INTS14: variants seen among roughly 807,000 people sequenced by gnomAD.
INTS14 encodes the protein integrator complex subunit 14, also known as UPF0464 protein C15orf44.
Under a neutral mutation model 56.9 loss-of-function variants are expected in INTS14, and 27 were observed. The ratio of observed to expected loss-of-function variants is 0.47; its 90% confidence interval spans 0.35 to 0.65. The LOEUF is 0.65. Ranked by LOEUF, INTS14 falls within the 30% of genes least tolerant of loss-of-function variation. The pLI is 0.00. For missense variants in INTS14, 517 were observed against 632.2 expected, an observed-to-expected ratio of 0.82 and a Z score of 1.95; for synonymous variants, 207 against 236.2, an observed-to-expected ratio of 0.88 and a Z score of 1.13.
At chr15:65,609,021 CCGAGTAGCCGGGACTACAGGCG>C (rs1341995975) in intron 1 of INTS14, among the ~76,000 whole-genome samples, 1 of 152,208 alleles carries the variant, frequency 6.6e-6, no homozygotes, top group Non-Finnish European at 1.5e-5. Context: ...CCTCAGCCTC[CCGAGTAGCCGGGACTACAGGCG>C]CGAGTAGCCA....
Position 65,598,318 on chromosome 15 carries a change from T to G in INTS14, c.748+3A>C, listed in dbSNP as rs1180043316. ...TAAGAAATAAGTTTTTTTAAAAAGT[T>G]ACCTGTGTTAATGACTTTAGGGATA... is the stretch of plus-strand genomic sequence containing the variant. On this transcript the variant is annotated splice_donor_region_variant and intron_variant, in intron 6 of 11. Coordinates refer to ENST00000313182, the MANE Select transcript of INTS14 (RefSeq NM_001394796.1). The G allele has an allele frequency of 6.2e-7, 1 of 1,609,102 alleles. No homozygotes were observed.
chr15:65,597,071 C>T (rs925551544), intron 6 of INTS14, among the ~76,000 whole-genome samples: 1 of 152,130 alleles, frequency 6.6e-6, no homozygotes, highest in Non-Finnish European at 1.5e-5. Flanking sequence ...CAAATTTACT[C>T]ATCGAAAAAG....
intron 9 of INTS14, chr15:65,586,348 G>A (rs2072824202): frequency 6.6e-6 from 1 of 152,214 alleles, no homozygotes; most frequent in African/African-American, 2.4e-5. Flanking sequence ...GTTTCACAGT[G>A]ACTCAGTTGG....
intron 3 of INTS14, among the ~76,000 whole-genome samples, chr15:65,602,667 G>GT (rs77504217): frequency 0.069 from 9,902 of 142,956 alleles, 332 homozygotes; most frequent in African/African-American, 0.1. Context: ...CTACTACAAT[G>GT]TTTTTTTTTT....
chr15:65,579,800 G>T, intron 11 of INTS14, 141 bp from the exon 12 acceptor site: 2 of 1,290,222 alleles, frequency 1.6e-6, no homozygotes, highest in Non-Finnish European at 2.1e-6. Context: ...ATTTAGGGAT[G>T]CCAGTAACAA....
At chr15:65,581,018 T>C (rs955894160) in intron 11 of INTS14, among the ~76,000 whole-genome samples, 9 of 151,848 alleles carry the variant, frequency 5.9e-5, no homozygotes, top group Non-Finnish European at 1.3e-4. Flanking sequence ...GCACTTTGGG[T>C]GGATCACCTG....
rs376183630 is a variant in INTS14 at position 65,581,983 on chromosome 15, G to A, written c.1276C>T (p.Leu426=). The A allele has an allele frequency of 6.2e-7, 1 of 1,611,982 alleles. No individual in the cohort carries two copies. Among genetic ancestry groups the A allele is most frequent in the African/African-American group, 1.3e-5 (1 of 74,784 alleles). ...VQKILRNARK[L]PEKTQTFYKE... is the part of the protein sequence containing the mutation. Reference sequence around the variant, plus strand: ...TAGAATGTCTGTGTTTTTTCAGGTAGTTTCCTTGCATTTCTTAAAATCTTC... The same window carrying A: ...TAGAATGTCTGTGTTTTTTCAGGTAATTTCCTTGCATTTCTTAAAATCTTC... The change falls in exon 11 of 12, where the codon CTA becomes TTA. Residue 426 remains leucine, a synonymous_variant. Coordinates refer to ENST00000313182, the MANE Select transcript of INTS14 (RefSeq NM_001394796.1).
intron 7 of INTS14, 139 bp downstream of exon 7, chr15:65,595,594 T>C (rs189820259): frequency 3.1e-6 from 2 of 646,234 alleles, no homozygotes; most frequent in African/African-American, 3.8e-5. Flanking sequence ...TATTAGGCAA[T>C]ATTCCATTTT....
intron 11 of INTS14, among the ~76,000 whole-genome samples, chr15:65,580,407 TAAG>T (rs1489165963): frequency 3.9e-5 from 6 of 152,290 alleles, no homozygotes; most frequent in South Asian, 4.1e-4. Context: ...AGTGGAAAGT[TAAG>T]AAGAAGGCCA....
At chr15:65,600,181 T>G (rs1302163575) in intron 3 of INTS14, among the ~76,000 whole-genome samples, 1 of 151,918 alleles carries the variant, frequency 6.6e-6, no homozygotes, top group Non-Finnish European at 1.5e-5. Flanking sequence ...AGTGGTGGCA[T>G]GCACCTGTGG....
chr15:65,599,703 G>T, intron 4 of INTS14, 71 bp downstream of exon 4: 1 of 1,507,746 alleles, frequency 6.6e-7, no homozygotes, highest in Non-Finnish European at 9.1e-7. Flanking sequence ...AGCACTAGTG[G>T]TATATACTGA....
intron 7 of INTS14, among the ~76,000 whole-genome samples, chr15:65,594,546 C>G (rs1489922114): frequency 6.7e-6 from 1 of 149,970 alleles, no homozygotes; most frequent in South Asian, 2.1e-4. Context: ...GCGCCTGCCA[C>G]TACGCCCAGG....
intron 10 of INTS14, 132 bp downstream of exon 10, chr15:65,584,638 G>T: frequency 1.4e-6 from 1 of 731,556 alleles, no homozygotes; most frequent in East Asian, 2.8e-5. Flanking sequence ...AATCCCTTTT[G>T]GAAATAATGA....
At position 65,611,094 on chromosome 15, in the gene INTS14, T is replaced by C. The variant is rs1488217671; in HGVS notation, c.-63+4A>G. 4 of 1,535,492 alleles carry C rather than the reference T, an allele frequency of 2.6e-6. No homozygotes were observed. The Admixed American group carries it at 7.8e-5, about 30-fold the overall frequency. ...AGTCCCGGGCCCTCGGCCTCCCCAC[T>C]CACCCCGTGCCCATCGCCGGACACA... On this transcript the variant is annotated splice_donor_region_variant and intron_variant, in intron 1 of 11. Transcript: ENST00000313182.
At chr15:65,581,720 C>T (rs1401509677) in intron 11 of INTS14, among the ~76,000 whole-genome samples, 1 of 152,120 alleles carries the variant, frequency 6.6e-6, no homozygotes, top group Non-Finnish European at 1.5e-5. Context: ...GTCATTCATT[C>T]ACAGCAGCCC....
chr15:65,583,226 A>G (rs1406181013), intron 10 of INTS14, among the ~76,000 whole-genome samples: 1 of 152,242 alleles, frequency 6.6e-6, no homozygotes, highest in Non-Finnish European at 1.5e-5. Context: ...TGTTCAGACC[A>G]AAACTTATAC....
chr15:65,580,225 C>T (rs2072546915), intron 11 of INTS14, among the ~76,000 whole-genome samples: 1 of 152,168 alleles, frequency 6.6e-6, no homozygotes, highest in African/African-American at 2.4e-5. Context: ...TATAGCCTCT[C>T]TGGGTCTCAA....
At chr15:65,594,945 T>A (rs1215589276) in intron 7 of INTS14, among the ~76,000 whole-genome samples, 2 of 152,174 alleles carry the variant, frequency 1.3e-5, no homozygotes, top group Non-Finnish European at 2.9e-5. Context: ...CCAACTGAGA[T>A]AACCTGGGCA....
At chr15:65,605,831 C>G (rs983002376) in intron 2 of INTS14, among the ~76,000 whole-genome samples, 1 of 152,176 alleles carries the variant, frequency 6.6e-6, no homozygotes, top group South Asian at 2.1e-4. Context: ...ATCAGAAATC[C>G]TTAGTTTATT....
Sources: allele counts gnomAD v4.1 joint callset (sites outside exome capture counted in the v4.1 genomes callset), GRCh38; gene constraint gnomAD v4.1.1; transcripts MANE v1.5; gene names NCBI Gene and HGNC (gene_info 2026-07-23, HGNC 2026-07-21).